The following RARB variants were observed in gnomAD, a reference collection of about 807,000 sequenced individuals.
RARB encodes the protein HBV-activated protein.
Under a neutral mutation model 51.9 loss-of-function variants are expected in RARB, and 17 were observed. The observed-to-expected ratio is 0.33, with a 90% CI of 0.22 to 0.49. RARB has a LOEUF of 0.49. Among genes scored for constraint, RARB ranks in the 20% least tolerant of loss-of-function variants. The pLI is 0.99. For missense variants in RARB, 369 were observed against 550.8 expected (o/e 0.67, Z 3.30); for synonymous variants, 215 against 195.4 (o/e 1.10, Z -0.84).
intron 5 of RARB, among the ~76,000 whole-genome samples, chr3:25,246,120 T>G (rs116367284): frequency 0.084 from 12,748 of 152,054 alleles, 701 homozygotes; most frequent in Non-Finnish European, 0.13. Context: ...TGGCTATTGA[T>G]AGTTGTGTAT....
At chr3:25,183,067 T>C (rs1700895073) in intron 5 of RARB, among the ~76,000 whole-genome samples, 1 of 152,174 alleles carries the variant, frequency 6.6e-6, no homozygotes, top group Middle Eastern at 3.2e-3. Context: ...GTTTGTGGTA[T>C]TTTGTGACAG....
intron 1 of RARB, among the ~76,000 whole-genome samples, chr3:25,446,801 T>TCA (rs1336535249): frequency 3.7e-4 from 11 of 29,832 alleles, no homozygotes; most frequent in African/African-American, 2.5e-3. Context: ...AGACTCCGTC[T>TCA]CAAAAAAAAA....
chr3:25,250,430 T>C (rs960934881), intron 5 of RARB, among the ~76,000 whole-genome samples: 8 of 152,062 alleles, frequency 5.3e-5, no homozygotes, highest in Non-Finnish European at 1.2e-4. Flanking sequence ...GGCAAAGTTG[T>C]TTTCAGTGGC....
chr3:25,083,478 A>T lies in RARB; in HGVS notation c.-328+23302A>T, dbSNP rs1186564515. On this transcript the variant is annotated intron_variant, in intron 3 of 11. Transcript: ENST00000383772. ...CCAGACAGTATTTTTCATTTCTAGA[A>T]TTTTCATTTGGCTCTCTTATAGTTT... Among the ~76,000 whole-genome samples, 27 of 151,118 alleles carry T rather than the reference A, an allele frequency of 1.8e-4. 1 individual carries two copies. Among genetic ancestry groups the T allele is most frequent in the Admixed American group, 1.8e-3 (27 of 15,188 alleles).
At chr3:24,905,632 C>T (rs971031428) in intron 2 of RARB, among the ~76,000 whole-genome samples, 10 of 152,144 alleles carry the variant, frequency 6.6e-5, no homozygotes, top group African/African-American at 2.2e-4. Flanking sequence ...TGTTTATTGC[C>T]TTTCTTTCCT....
chr3:24,992,940 C>G (rs1208495874), intron 2 of RARB, among the ~76,000 whole-genome samples: 1 of 151,924 alleles, frequency 6.6e-6, no homozygotes, highest in South Asian at 2.1e-4. Flanking sequence ...TTAAATTATT[C>G]TTTTTGTTAA....
intron 5 of RARB, among the ~76,000 whole-genome samples, chr3:25,407,990 C>G (rs1265179244): frequency 6.6e-6 from 1 of 152,146 alleles, no homozygotes; most frequent in Non-Finnish European, 1.5e-5. Context: ...AATAACACAT[C>G]TTTTATTGCC....
intron 2 of RARB, among the ~76,000 whole-genome samples, chr3:24,875,117 T>A (rs1182390283): frequency 6.6e-6 from 1 of 152,158 alleles, no homozygotes; most frequent in East Asian, 1.9e-4. Context: ...ATTTTAACAT[T>A]TGAATTTTTA....
At chr3:25,135,558 A>G (rs1244528368) in intron 4 of RARB, among the ~76,000 whole-genome samples, 3 of 151,998 alleles carry the variant, frequency 2.0e-5, no homozygotes, top group African/African-American at 7.2e-5. Context: ...TGTTGTTCTC[A>G]GCAGGATAGG....
chr3:24,859,377 A>G (rs893359653), intron 2 of RARB, among the ~76,000 whole-genome samples: 8 of 152,140 alleles, frequency 5.3e-5, no homozygotes, highest in African/African-American at 1.9e-4. Context: ...TGAAATGTGA[A>G]GTAAGTTTTT....
chr3:25,346,770 G>C (rs573866242), intron 5 of RARB, among the ~76,000 whole-genome samples: 1 of 152,268 alleles, frequency 6.6e-6, no homozygotes, highest in South Asian at 2.1e-4. Flanking sequence ...GGGGGACATG[G>C]CCCACTGGTC....
At chr3:25,391,391 T>C (rs1706953657) in intron 5 of RARB, among the ~76,000 whole-genome samples, 1 of 152,176 alleles carries the variant, frequency 6.6e-6, no homozygotes, top group African/African-American at 2.4e-5. Context: ...AATGACTTCT[T>C]TTCCTCTAGG....
chr3:25,115,226 C>T (rs1699666308), intron 3 of RARB, among the ~76,000 whole-genome samples: 1 of 152,100 alleles, frequency 6.6e-6, no homozygotes, highest in South Asian at 2.1e-4. Flanking sequence ...AAACTGTCTA[C>T]CTAAGTCCCA....
At chr3:25,186,708 C>CA (rs1220896136) in intron 5 of RARB, among the ~76,000 whole-genome samples, 3 of 152,070 alleles carry the variant, frequency 2.0e-5, no homozygotes, top group Non-Finnish European at 2.9e-5. Context: ...AGGGTGCCAA[C>CA]ATTTTTATAA....
chr3:25,379,663 A>C (rs749020361), intron 5 of RARB, among the ~76,000 whole-genome samples: 1 of 152,236 alleles, frequency 6.6e-6, no homozygotes, highest in Non-Finnish European at 1.5e-5. Flanking sequence ...GTAAAGAACT[A>C]GGGCACAGTT....
At chr3:25,396,054 C>T in intron 5 of RARB, among the ~76,000 whole-genome samples, 1 of 152,166 alleles carries the variant, frequency 6.6e-6, no homozygotes, top group East Asian at 1.9e-4. Flanking sequence ...CAGGGTGATC[C>T]CTTGATGGGG....
intron 3 of RARB, among the ~76,000 whole-genome samples, chr3:25,110,041 G>T (rs958378300): frequency 1.3e-5 from 2 of 152,022 alleles, no homozygotes; most frequent in Non-Finnish European, 2.9e-5. Flanking sequence ...CCAAGATCTG[G>T]TTTACAATTC....
chr3:24,969,917 G>A (rs1696356840), intron 2 of RARB, among the ~76,000 whole-genome samples: 1 of 152,032 alleles, frequency 6.6e-6, no homozygotes, highest in African/African-American at 2.4e-5. Flanking sequence ...ACTACAAAAT[G>A]CTCAGAGCTG....
intron 3 of RARB, among the ~76,000 whole-genome samples, chr3:25,111,949 A>G (rs1241154192): frequency 6.6e-6 from 1 of 152,158 alleles, no homozygotes; most frequent in Non-Finnish European, 1.5e-5. Context: ...TTTTGAAGAC[A>G]TGCTTTGGAA....
Sources: gnomAD v4.1 joint callset for allele counts (sites outside exome capture counted in the v4.1 genomes callset) on GRCh38, gnomAD v4.1.1 for gene constraint, MANE v1.5 for transcripts, NCBI Gene and HGNC (gene_info 2026-07-23, HGNC 2026-07-21) for gene names.